The following CDH13 variants were observed in gnomAD, a reference collection of about 807,000 sequenced individuals.
CDH13 encodes cadherin 13.
CDH13 carries 24 observed loss-of-function variants against 63.8 expected under a neutral mutation model. That is an observed-to-expected ratio of 0.38 (90% confidence interval 0.27 to 0.53). The LOEUF (loss-of-function observed/expected upper bound fraction) is 0.53, where lower values mean the gene tolerates loss of function less well. CDH13 is among the 20% of genes least tolerant of loss of function. The probability of loss-of-function intolerance (pLI) is 0.85; values close to 1 mark genes in which losing one functional copy is unlikely to be tolerated. For missense variants in CDH13, 1,049 were observed against 903.1 expected (o/e 1.16, Z -2.07); for synonymous variants, 503 against 355.3 (o/e 1.42, Z -4.67).
rs117484096 is a variant in CDH13 at position 83,035,693 on chromosome 16, C to T, written c.366+3475C>T. ...CATTGTGCATAGTTGGGAGGGTCTA[C>T]GAGGGAAATGTTGGCCTGTCTTCAT... On this transcript the variant is annotated intron_variant, in intron 3 of 13. Transcript: ENST00000567109. Among the ~76,000 whole-genome samples, 8 of 152,200 alleles carry T rather than the reference C, an allele frequency of 5.3e-5. No individual in the cohort carries two copies. In the South Asian group the frequency reaches 6.2e-4, roughly 12 times the overall value.
chr16:83,743,551 C>T (rs1912253707), intron 10 of CDH13, among the ~76,000 whole-genome samples: 1 of 152,142 alleles, frequency 6.6e-6, no homozygotes, highest in Non-Finnish European at 1.5e-5. Flanking sequence ...CATCAAAGAG[C>T]ATTGCTTGTA....
rs1164642801 is a variant in CDH13, at chr16:82,991,588, A to G, written c.158-40422A>G. On this transcript the variant is annotated intron_variant, in intron 2 of 13. Coordinates refer to ENST00000567109, the MANE Select transcript of CDH13 (RefSeq NM_001257.5). ...CTCATCTCACGGCAACCTCCAGGACATAATATATAAAACTTACCCTTGACA... is the reference window on the plus strand; with the variant it reads ...CTCATCTCACGGCAACCTCCAGGACGTAATATATAAAACTTACCCTTGACA... Among the ~76,000 whole-genome samples, 3 of 152,162 alleles carry G rather than the reference A, an allele frequency of 2.0e-5. No individual in the cohort carries two copies. The East Asian group carries it at 5.8e-4, about 29-fold the overall frequency.
intron 1 of CDH13, among the ~76,000 whole-genome samples, chr16:82,769,516 T>C (rs1172645512): frequency 6.6e-6 from 1 of 152,232 alleles, no homozygotes; most frequent in Non-Finnish European, 1.5e-5. Flanking sequence ...GTTGAACCTC[T>C]AATTCTGGAG....
chr16:82,984,428 C>G (rs1910680409), intron 2 of CDH13, among the ~76,000 whole-genome samples: 1 of 152,206 alleles, frequency 6.6e-6, no homozygotes, highest in Non-Finnish European at 1.5e-5. Flanking sequence ...TACTTATCAT[C>G]TGAGTGATCT....
chr16:83,434,846 TATGTGTGTGC>T (rs1431153528), intron 6 of CDH13, among the ~76,000 whole-genome samples: 831 of 53,068 alleles, frequency 0.016, 5 homozygotes, highest in Middle Eastern at 0.067. Flanking sequence ...AATATATATA[TATGTGTGTGC>T]GTGTGTGTGT....
intron 5 of CDH13, among the ~76,000 whole-genome samples, chr16:83,260,757 G>C (rs1337156315): frequency 6.6e-6 from 1 of 152,044 alleles, no homozygotes; most frequent in East Asian, 1.9e-4. Flanking sequence ...GCATCTTATT[G>C]TCTCATTACT....
chr16:83,005,652 G>A (rs1287772901), intron 2 of CDH13, among the ~76,000 whole-genome samples: 1 of 152,234 alleles, frequency 6.6e-6, no homozygotes, highest in East Asian at 1.9e-4. Context: ...TTCAGAAACA[G>A]TGTCAAATTC....
intron 11 of CDH13, among the ~76,000 whole-genome samples, chr16:83,748,686 G>C (rs778431337): frequency 6.6e-6 from 1 of 152,184 alleles, no homozygotes; most frequent in Non-Finnish European, 1.5e-5. Flanking sequence ...CCAAGGAAAG[G>C]CATCAGGTAC....
chr16:83,584,173 C>CA (rs962728265), intron 7 of CDH13, among the ~76,000 whole-genome samples: 50 of 151,372 alleles, frequency 3.3e-4, no homozygotes, highest in African/African-American at 9.0e-4. Flanking sequence ...ACTAAAAATA[C>CA]AAAAAAAATT....
At chr16:83,025,768 C>A (rs1039189028) in intron 2 of CDH13, among the ~76,000 whole-genome samples, 9 of 152,152 alleles carry the variant, frequency 5.9e-5, no homozygotes, top group African/African-American at 1.4e-4. Context: ...CAGTCCCCAA[C>A]CTCTACTCTT....
chr16:83,199,623 T>C (rs1426486592), intron 4 of CDH13, among the ~76,000 whole-genome samples: 3 of 152,106 alleles, frequency 2.0e-5, no homozygotes. Context: ...TGAAAAACAT[T>C]TTAAACCCTT....
intron 2 of CDH13, among the ~76,000 whole-genome samples, chr16:82,963,990 G>A (rs751707088): frequency 3.9e-5 from 6 of 152,194 alleles, no homozygotes; most frequent in Non-Finnish European, 8.8e-5. Flanking sequence ...GTTCACACAG[G>A]GAACACCAGT....
In CDH13 at chr16:83,477,779, G is replaced by A. The variant is rs1002523691; in HGVS notation, c.782-8698G>A. On this transcript the variant is annotated intron_variant, in intron 6 of 13. Transcript: ENST00000567109. ...GTCAAAAGCTGGTGGGCCTCAGACC[G>A]AAGCTTGCCATAACCTCTTTTGTTT... is the stretch of plus-strand genomic sequence containing the variant. 3.9e-5 allele frequency among the ~76,000 whole-genome samples: 6 copies of A among 152,290 alleles called. No homozygotes were observed. In the South Asian group the frequency reaches 6.2e-4, roughly 16 times the overall value.
intron 7 of CDH13, among the ~76,000 whole-genome samples, chr16:83,579,744 A>G (rs957089926): frequency 6.6e-6 from 1 of 152,046 alleles, no homozygotes; most frequent in East Asian, 1.9e-4. Context: ...ACAGCCCTTG[A>G]TAGGCTCACA....
intron 4 of CDH13, among the ~76,000 whole-genome samples, chr16:83,214,802 C>A (rs781026190): frequency 2.6e-5 from 4 of 151,962 alleles, no homozygotes; most frequent in Non-Finnish European, 5.9e-5. Context: ...GTGTCATCTG[C>A]ACTTTAAAGA....
At chr16:82,841,224 T>C (rs2038995898) in intron 1 of CDH13, among the ~76,000 whole-genome samples, 1 of 152,182 alleles carries the variant, frequency 6.6e-6, no homozygotes, top group Admixed American at 6.5e-5. Context: ...AATGGCAGCC[T>C]CTGCAAGCTA....
intron 3 of CDH13, among the ~76,000 whole-genome samples, chr16:83,039,453 C>G (rs145324698): frequency 0.018 from 2,709 of 152,284 alleles, 36 homozygotes; most frequent in Middle Eastern, 0.048. Flanking sequence ...AAGAAAGGAT[C>G]TCCCCTACTG....
At chr16:83,398,821 G>A (rs2091925740) in intron 6 of CDH13, among the ~76,000 whole-genome samples, 2 of 152,166 alleles carry the variant, frequency 1.3e-5, no homozygotes, top group South Asian at 2.1e-4. Context: ...TATCTCATGG[G>A]ATTGATTTAT....
chr16:82,687,452 C>G (rs889251822), intron 1 of CDH13, among the ~76,000 whole-genome samples: 1 of 152,130 alleles, frequency 6.6e-6, no homozygotes. Flanking sequence ...AATGGACTTA[C>G]AGTTCCACAT....
Sources: gnomAD v4.1 joint callset for allele counts (sites outside exome capture counted in the v4.1 genomes callset) on GRCh38, gnomAD v4.1.1 for gene constraint, MANE v1.5 for transcripts, NCBI Gene and HGNC (gene_info 2026-07-23, HGNC 2026-07-21) for gene names.